Variants in CUL9 observed in about 807,000 individuals in gnomAD.
CUL9 encodes the protein cullin 9.
CUL9 carries 79 observed loss-of-function variants against 272.6 expected under a neutral mutation model. The observed-to-expected ratio is 0.29, with a 90% CI of 0.24 to 0.35. The LOEUF (loss-of-function observed/expected upper bound fraction) is 0.35, where lower values mean the gene tolerates loss of function less well. CUL9 is among the 10% of genes least tolerant of loss of function. CUL9 has a pLI of 1.00. For missense variants in CUL9, 2,532 were observed against 3,255.6 expected, an observed-to-expected ratio of 0.78 and a Z score of 5.41; for synonymous variants, 1,186 against 1,286.5, an observed-to-expected ratio of 0.92 and a Z score of 1.67.
Position 43,213,918 on chromosome 6 carries a change from C to CA in CUL9, c.5688+7dup. 6.2e-7 allele frequency: 1 copy of CA among 1,613,830 alleles called. No homozygotes were observed. Among genetic ancestry groups the CA allele is most frequent in the Non-Finnish European group, 8.5e-7 (1 of 1,179,968 alleles). Reference sequence around the variant, plus strand: ...TTGATCAGCTGGTTTGTCTGGTAGGCAGAGAGGGGACCATGAAGTTGGCGG... The same window carrying CA: ...TTGATCAGCTGGTTTGTCTGGTAGGCAAGAGAGGGGACCATGAAGTTGGCGG... On this transcript the variant is annotated splice_region_variant and intron_variant, in intron 29 of 40. Coordinates refer to ENST00000252050, the MANE Select transcript of CUL9 (RefSeq NM_015089.4). This position sits in a 1 kb window ranked among gnomAD's most constrained non-coding sequence, Gnocchi z 5.7.
Position 43,222,606 on chromosome 6 carries a change from A to C in CUL9, c.6997A>C (p.Asn2333His), listed in dbSNP as rs771934410. Residue 2333 changes from asparagine (N) to histidine (H), a missense_variant, in exon 37 of 41, where the codon AAT becomes CAT. Physicochemically the swap from Asn to His is moderately conservative, Grantham distance 68. Transcript: ENST00000252050. ...VPPPRSFTFL[N>H]DACQGLEQAR... is the part of the protein sequence containing the mutation. ...CCCGCCCAGATCCTTCACCTTCCTC[A>C]ATGATGCCTGCCAGGGACTGGAGCA... The C allele has an allele frequency of 1.2e-6, 2 of 1,613,090 alleles. No individual in the cohort carries two copies. The highest frequency in any genetic ancestry group is 2.2e-5 in the South Asian group (2 of 91,078).
In CUL9 at chr6:43,187,392, TG is replaced by T. The variant is rs760800925; in HGVS notation, c.1535del (p.Cys512LeufsTer23). The T allele has an allele frequency of 9.3e-6, 15 of 1,613,968 alleles. No homozygotes were observed. The highest frequency in any genetic ancestry group is 1.3e-5 in the Non-Finnish European group (15 of 1,179,986). ...TTTCTTTATCAAAAAGTTGGACTTG[TG>T]TGAGCAGCAGCCAATTTTCCAGAAT... Reference protein sequence around the residue: ...LLFFIKKLDLCEQQPIFQNLW... With the variant: ...LLFFIKKLDLXEQQPIFQNLW... On this transcript the variant is annotated frameshift_variant, in exon 6 of 41. Coordinates refer to ENST00000252050, the MANE Select transcript of CUL9 (RefSeq NM_015089.4). LOFTEE classifies it high-confidence loss of function.
rs2150515602 is a variant in CUL9 at position 43,185,455 on chromosome 6, G to A, written c.596-1G>A. 6.2e-7 allele frequency: 1 copy of A among 1,613,310 alleles called. No homozygotes were observed. The highest frequency in any genetic ancestry group is 1.7e-5 in the Admixed American group (1 of 60,014). Reference sequence around the variant, plus strand: ...AGATATGGATTGGGTATGGATTACAGGGAGTCGGGCTCACGTCCTTCTATC... The same window carrying A: ...AGATATGGATTGGGTATGGATTACAAGGAGTCGGGCTCACGTCCTTCTATC... On this transcript the variant is annotated splice_acceptor_variant, in intron 2 of 40. Coordinates refer to ENST00000252050, the MANE Select transcript of CUL9 (RefSeq NM_015089.4). LOFTEE classifies it high-confidence loss of function.
In CUL9 at chr6:43,223,862, A is replaced by G. The variant is rs1325725591; in HGVS notation, c.7285-233A>G. 3 of 575,708 alleles carry G rather than the reference A, an allele frequency of 5.2e-6. No individual in the cohort carries two copies. Among genetic ancestry groups the G allele is most frequent in the Non-Finnish European group, 9.3e-6 (3 of 321,854 alleles). 35.7% of individuals were successfully genotyped at this position (575,708 alleles called of 1,614,324 possible). On this transcript the variant is annotated intron_variant, in intron 39 of 40. Transcript: ENST00000252050. This position sits in a 1 kb window ranked among gnomAD's most constrained non-coding sequence, Gnocchi z 4.1. ...GGTAAGTCACATGGGCAGAAAAGACATAGATTCTGTAAGCTCTTTAAGCAC... is the reference window on the plus strand; with the variant it reads ...GGTAAGTCACATGGGCAGAAAAGACGTAGATTCTGTAAGCTCTTTAAGCAC...
rs201985078 is a variant in CUL9, at chr6:43,215,364, G to A, written c.5936+38G>A. 3.2e-3 allele frequency: 4,977 copies of A among 1,558,592 alleles called. 10 individuals carry two copies. The highest frequency in any genetic ancestry group is 3.9e-3 in the Non-Finnish European group (4,497 of 1,154,842). Reference sequence around the variant, plus strand: ...CCTGACCCCTTGCAGTGAGGCGGGAGAGGTGGTCATGCCAAAGCCAAGATC... The same window carrying A: ...CCTGACCCCTTGCAGTGAGGCGGGAAAGGTGGTCATGCCAAAGCCAAGATC... On this transcript the variant is annotated intron_variant, in intron 30 of 40. Coordinates refer to ENST00000252050, the MANE Select transcript of CUL9 (RefSeq NM_015089.4).
rs77216526 is a variant in CUL9, at chr6:43,218,544, G to A, written c.6283-1915G>A. ...CATTTTTTAAAAGATCGCTTCTGCCGTTGTGTGGAGAAAAGGCTTGGAGGG... is the reference window on the plus strand; with the variant it reads ...CATTTTTTAAAAGATCGCTTCTGCCATTGTGTGGAGAAAAGGCTTGGAGGG... On this transcript the variant is annotated intron_variant, in intron 31 of 40. Coordinates refer to ENST00000252050, the MANE Select transcript of CUL9 (RefSeq NM_015089.4). This position sits in a 1 kb window ranked among gnomAD's most constrained non-coding sequence, Gnocchi z 4.4. Among the ~76,000 whole-genome samples the A allele has an allele frequency of 0.028, 4,247 of 152,266 alleles. 217 individuals are homozygous for A. Among genetic ancestry groups the A allele is most frequent in the African/African-American group, 0.096 (3,972 of 41,540 alleles).
At chr6:43,189,910 G>A (rs1410560066) in intron 8 of CUL9, among the ~76,000 whole-genome samples, 1 of 152,218 alleles carries the variant, frequency 6.6e-6, no homozygotes, top group African/African-American at 2.4e-5. Flanking sequence ...ACTGTTATCA[G>A]TCTACTATAT....
rs1562063452 is a variant in CUL9, at chr6:43,221,066, T to G, written c.6589-92T>G. The G allele has an allele frequency of 4.0e-6, 6 of 1,505,548 alleles. No homozygotes were observed. In the East Asian group the frequency reaches 1.2e-4, roughly 30 times the overall value. The allele number at this position is 1,505,548 out of a possible 1,614,324, so 93.3% of individuals were successfully genotyped here. A position where few individuals can be genotyped will look rare whatever the true frequency, so the allele number is the denominator to read the frequency against. On this transcript the variant is annotated intron_variant, in intron 33 of 40. Transcript: ENST00000252050. The surrounding 1 kb of genome is among the most constrained non-coding windows in gnomAD (Gnocchi z 4.2). ...GTTCCTCTTCCTGGAGCCCTCCAAATGTGATCTGTGCCTGCTCCCCTCTCT... is the reference window on the plus strand; with the variant it reads ...GTTCCTCTTCCTGGAGCCCTCCAAAGGTGATCTGTGCCTGCTCCCCTCTCT...
rs774853248 is a variant in CUL9, at chr6:43,220,602, A to ATC, written c.6423+4_6423+5dup. Reference sequence around the variant, plus strand: ...CCTCGCCAGAGGTCATCTCCAAGGTATCCCCTCTCGTCTGAGAGAGGCTCC... The same window carrying ATC: ...CCTCGCCAGAGGTCATCTCCAAGGTATCTCCCCTCTCGTCTGAGAGAGGCTCC... On this transcript the variant is annotated splice_donor_region_variant and intron_variant, in intron 32 of 40. Transcript: ENST00000252050. This position sits in a 1 kb window ranked among gnomAD's most constrained non-coding sequence, Gnocchi z 4.9. 83 of 1,613,998 alleles carry ATC rather than the reference A, an allele frequency of 5.1e-5. 1 individual carries two copies. The South Asian group carries it at 9.1e-4, about 18-fold the overall frequency.
chr6:43,193,301 C>G lies in CUL9; in HGVS notation c.2388+93C>G, dbSNP rs544201868. 6.5e-6 allele frequency: 7 copies of G among 1,077,454 alleles called. No homozygotes were observed. In the Admixed American group the frequency reaches 9.0e-5, roughly 14 times the overall value. The allele number at this position is 1,077,454 out of a possible 1,614,324, so 66.7% of individuals were successfully genotyped here. ...GAGGGGGTACTTTGGTGCTTCAGAT[C>G]AGTGAGTAGACTTTGGAATGGAAAG... On this transcript the variant is annotated intron_variant, in intron 9 of 40. Transcript: ENST00000252050.
rs1180598016 is a variant in CUL9, at chr6:43,220,783, T to C, written c.6460T>C (p.Cys2154Arg). The change falls in exon 33 of 41, where the codon TGC becomes CGC. Residue 2154 changes from cysteine (C) to arginine (R), a missense_variant. Transcript: ENST00000252050. This position sits in a 1 kb window ranked among gnomAD's most constrained non-coding sequence, Gnocchi z 4.9. ...GCTCCTGCGTGGCTATGTGGAGAGC[T>C]GCTCCAACCTGACCTGGTGCACCAA... ...KALLRGYVES[C>R]SNLTWCTNPQ... The C allele has an allele frequency of 6.2e-7, 1 of 1,613,236 alleles. No individual in the cohort carries two copies. Among genetic ancestry groups the C allele is most frequent in the African/African-American group, 1.3e-5 (1 of 74,902 alleles).
rs776152126 is a variant in CUL9 at position 43,196,856 on chromosome 6, C to T, written c.2797C>T (p.Arg933Cys). The T allele has an allele frequency of 6.2e-6, 10 of 1,613,580 alleles. No individual in the cohort carries two copies. Among genetic ancestry groups the T allele is most frequent in the South Asian group, 1.1e-5 (1 of 91,070 alleles). Reference protein sequence around the residue: ...RYSEPPGSPERAALETPIIQG... With the variant: ...RYSEPPGSPECAALETPIIQG... Reference sequence around the variant, plus strand: ...CTCAGAGCCGCCGGGCAGCCCTGAGCGTGCAGGTACCATTGTGGAGGGGTG... The same window carrying T: ...CTCAGAGCCGCCGGGCAGCCCTGAGTGTGCAGGTACCATTGTGGAGGGGTG... Residue 933 changes from arginine (R) to cysteine (C), a missense_variant, in exon 11 of 41, where the codon CGT becomes TGT. By Grantham distance (180) the Arg-to-Cys change is radical. Around this residue, in one of 3 missense-constraint regions of CUL9, gnomAD observed 2,218 missense variants for 2,788.6 expected, o/e 0.80. Transcript: ENST00000252050.
chr6:43,210,104 G>T (rs1240981504), intron 26 of CUL9, among the ~76,000 whole-genome samples: 1 of 151,948 alleles, frequency 6.6e-6, no homozygotes, highest in Non-Finnish European at 1.5e-5. Context: ...TCAGCCTCCC[G>T]AGTAGCTGGG....
intron 29 of CUL9, 92 bp from the exon 30 acceptor site, chr6:43,214,984 AAGG>A: frequency 1.4e-6 from 2 of 1,433,972 alleles, no homozygotes. Flanking sequence ...CTTAAAAAAA[AAGG>A]GGGGGAAAAA....
At chr6:43,209,021 A>C (rs1179173907) in intron 26 of CUL9, among the ~76,000 whole-genome samples, 1 of 151,636 alleles carries the variant, frequency 6.6e-6, no homozygotes, top group Admixed American at 6.6e-5. Flanking sequence ...ATTTTTGTAG[A>C]AACAGAGTTT....
intron 10 of CUL9, 154 bp from the exon 11 acceptor site, chr6:43,196,491 A>G: frequency 1.2e-6 from 1 of 829,372 alleles, no homozygotes; most frequent in Non-Finnish European, 2.0e-6. Flanking sequence ...TGGGTTTGGG[A>G]GGAGTGGCCC....
chr6:43,187,327 G>C lies in CUL9; in HGVS notation c.1469G>C (p.Arg490Thr). 1 of 1,614,142 alleles carries C rather than the reference G, an allele frequency of 6.2e-7. No individual in the cohort carries two copies. Among genetic ancestry groups the C allele is most frequent in the Non-Finnish European group, 8.5e-7 (1 of 1,180,008 alleles). ...YLQPEPQKNE[R>T]VGYLTQAEWW... ...CAGCCCGAACCTCAGAAGAATGAGA[G>C]AGTGGGATATCTGACCCAGGCTGAA... is the stretch of plus-strand genomic sequence containing the variant. The change falls in exon 6 of 41, where the codon AGA (arginine) becomes ACA (threonine). Residue 490 changes from arginine to threonine, a missense_variant. By Grantham distance (71) the Arg-to-Thr change is moderately conservative. Transcript: ENST00000252050.
At chr6:43,209,393 C>T (rs1464380202) in intron 26 of CUL9, among the ~76,000 whole-genome samples, 1 of 152,052 alleles carries the variant, frequency 6.6e-6, no homozygotes, top group Non-Finnish European at 1.5e-5. Flanking sequence ...TCGTGATTTG[C>T]CTGCCTCAGC....
intron 31 of CUL9, 110 bp downstream of exon 31, chr6:43,216,613 C>A: frequency 9.9e-7 from 1 of 1,008,012 alleles, no homozygotes; most frequent in Non-Finnish European, 1.5e-6. Flanking sequence ...ATCACCTGGG[C>A]AATAGTGGAT....
Sources: gnomAD v4.1 joint callset for allele counts (sites outside exome capture counted in the v4.1 genomes callset) on GRCh38, gnomAD v4.1.1 for gene constraint, gnomAD v4.1.1 regional missense constraint, Gnocchi (gnomAD v3.1) non-coding constraint, MANE v1.5 for transcripts, NCBI Gene and HGNC (gene_info 2026-07-23, HGNC 2026-07-21) for gene names.